The following NEDD4L variants were observed in gnomAD, a reference collection of about 807,000 sequenced individuals.
The protein encoded by NEDD4L is NEDD4 like E3 ubiquitin protein ligase.
A neutral mutation model predicts 148.9 loss-of-function variants in NEDD4L; 54 were observed. The ratio of observed to expected loss-of-function variants is 0.36; its 90% CI spans 0.29 to 0.45. The LOEUF (loss-of-function observed/expected upper bound fraction) is 0.45, where lower values mean the gene tolerates loss of function less well. Ranked by LOEUF, NEDD4L falls within the 20% of genes least tolerant of loss-of-function variation. The probability of loss-of-function intolerance (pLI) is 1.00; values close to 1 mark genes in which losing one functional copy is unlikely to be tolerated. For synonymous variants in NEDD4L, 433 were observed against 440.7 expected (o/e 0.98, Z 0.22); for missense variants, 856 against 1,233.8 (o/e 0.69, Z 4.59).
intron 7 of NEDD4L, 92 bp from the exon 8 acceptor site, chr18:58,323,140 G>C (rs1161146914): frequency 1.4e-6 from 1 of 733,630 alleles, no homozygotes; most frequent in African/African-American, 1.7e-5. Flanking sequence ...CCTGCCCTGC[G>C]TGCTGTGGTG....
intron 1 of NEDD4L, among the ~76,000 whole-genome samples, chr18:58,100,969 CT>C (rs1341273842): frequency 2.6e-5 from 4 of 152,100 alleles, no homozygotes; most frequent in African/African-American, 9.7e-5. Context: ...CCATGTCTGG[CT>C]AATTTTTGTA....
chr18:58,085,974 A>G (rs758153965), intron 1 of NEDD4L, among the ~76,000 whole-genome samples: 6 of 152,222 alleles, frequency 3.9e-5, no homozygotes, highest in Non-Finnish European at 8.8e-5. Context: ...TAGGATTCCT[A>G]CTAATTATTA....
chr18:58,127,301 C>A (rs2031293477), intron 1 of NEDD4L, among the ~76,000 whole-genome samples: 1 of 152,226 alleles, frequency 6.6e-6, no homozygotes, highest in Non-Finnish European at 1.5e-5. Context: ...CAGATGTGGA[C>A]GTCCCCGTCA....
rs760992833 is a variant in NEDD4L at position 58,325,026 on chromosome 18, T to G, written c.544T>G (p.Ser182Ala). The change falls in exon 9 of 31, where the codon TCG becomes GCG. Residue 182 changes from serine to alanine, a missense_variant. Ser to Ala is a moderately conservative substitution (Grantham distance 99). Coordinates refer to ENST00000400345, the MANE Select transcript of NEDD4L (RefSeq NM_001144967.3). ...ATGGGAAGTTGTTGACTCAAATGAC[T>G]CGGCTTCTCAGCACCAAGAGGAACT... ...HGWEVVDSNDSASQHQEELPP... is the reference protein window; with the variant it reads ...HGWEVVDSNDAASQHQEELPP... 6.2e-7 allele frequency: 1 copy of G among 1,613,974 alleles called. No individual in the cohort carries two copies. Among genetic ancestry groups the G allele is most frequent in the East Asian group, 2.2e-5 (1 of 44,892 alleles).
At chr18:58,278,270 G>C (rs1028688782) in intron 5 of NEDD4L, among the ~76,000 whole-genome samples, 1 of 152,168 alleles carries the variant, frequency 6.6e-6, no homozygotes, top group Admixed American at 6.5e-5. Flanking sequence ...TGACCCTTCA[G>C]CATGGCCAGC....
intron 2 of NEDD4L, among the ~76,000 whole-genome samples, chr18:58,225,137 T>C (rs1339595150): frequency 1.3e-5 from 2 of 151,806 alleles, no homozygotes; most frequent in East Asian, 1.9e-4. Context: ...GAAAGGGGTA[T>C]TGGGGGGGAA....
At chr18:58,388,915 T>C (rs2049414148) in intron 27 of NEDD4L, 170 bp from the exon 28 acceptor site, 1 of 639,802 alleles carries the variant, frequency 1.6e-6, no homozygotes, top group Non-Finnish European at 2.9e-6. Context: ...TGTGATCTGC[T>C]ATGGCAGGTG....
intron 2 of NEDD4L, among the ~76,000 whole-genome samples, chr18:58,208,352 A>G (rs548523940): frequency 1.1e-4 from 16 of 152,374 alleles, no homozygotes; most frequent in African/African-American, 3.8e-4. Flanking sequence ...GAGTCAGAGC[A>G]TCTAAAATTT....
At position 58,385,631 on chromosome 18, in the gene NEDD4L, C is replaced by A. The variant is rs200728379; in HGVS notation, c.2487+45C>A. On this transcript the variant is annotated intron_variant, in intron 26 of 30. Transcript: ENST00000400345. ...GTTCTCTGCCATGTGCCTCTGGTCC[C>A]GGGTCGATGGGGGATCGCGCTTCTC... 2.8e-4 allele frequency: 419 copies of A among 1,494,042 alleles called. 5 individuals are homozygous for A. In the East Asian group the frequency reaches 9.3e-3, roughly 33 times the overall value. 92.5% of individuals were successfully genotyped at this position (1,494,042 alleles called of 1,614,324 possible).
At chr18:58,167,439 C>T (rs1296843689) in intron 2 of NEDD4L, among the ~76,000 whole-genome samples, 1 of 152,206 alleles carries the variant, frequency 6.6e-6, no homozygotes, top group Non-Finnish European at 1.5e-5. Flanking sequence ...TGCTCTCTAC[C>T]AAAGCCCACC....
At chr18:58,082,102 A>ATATATATTTTTTTTTTTTTTTTT in intron 1 of NEDD4L, among the ~76,000 whole-genome samples, 3 of 48,832 alleles carry the variant, frequency 6.1e-5, no homozygotes, top group African/African-American at 1.3e-4. Context: ...ATATATATAT[A>ATATATATTTTTTTTTTTTTTTTT]TTTTTTTTTT....
chr18:58,308,727 C>T (rs1194244954), intron 5 of NEDD4L, among the ~76,000 whole-genome samples: 5 of 152,228 alleles, frequency 3.3e-5, no homozygotes, highest in Admixed American at 2.0e-4. Context: ...GGTCTGGCCG[C>T]GCCTCCCTTG....
At chr18:58,214,800 A>ATTTTT (rs60043101) in intron 2 of NEDD4L, among the ~76,000 whole-genome samples, 6 of 123,336 alleles carry the variant, frequency 4.9e-5, no homozygotes, top group Non-Finnish European at 5.1e-5. Context: ...TCTTTCTTTC[A>ATTTTT]TTTTTTTTTT....
intron 1 of NEDD4L, among the ~76,000 whole-genome samples, chr18:58,060,906 CTG>C (rs1401130282): frequency 5.3e-5 from 8 of 152,072 alleles, no homozygotes; most frequent in African/African-American, 7.2e-5. Context: ...TTACAGGTGC[CTG>C]CCACCACACC....
At chr18:58,354,027 C>T (rs927500350) in intron 18 of NEDD4L, among the ~76,000 whole-genome samples, 1 of 152,186 alleles carries the variant, frequency 6.6e-6, no homozygotes, top group African/African-American at 2.4e-5. Flanking sequence ...AATACTCAGC[C>T]ATCATAAAGA....
intron 5 of NEDD4L, 62 bp from the exon 6 acceptor site, chr18:58,315,920 T>C: frequency 7.3e-7 from 1 of 1,376,760 alleles, no homozygotes. Context: ...AAAACATTTT[T>C]AGGAAATGCT....
intron 2 of NEDD4L, among the ~76,000 whole-genome samples, chr18:58,236,657 C>G (rs1419876565): frequency 6.6e-6 from 1 of 152,252 alleles, no homozygotes; most frequent in Non-Finnish European, 1.5e-5. Flanking sequence ...TGCTGGCACC[C>G]AGAAGCTGCT....
intron 2 of NEDD4L, among the ~76,000 whole-genome samples, chr18:58,218,796 T>C (rs1169189702): frequency 2.0e-5 from 3 of 152,216 alleles, no homozygotes; most frequent in Non-Finnish European, 2.9e-5. Flanking sequence ...TATCCCGATA[T>C]GTGCATCCTT....
chr18:58,321,389 A>G (rs1381166042), intron 6 of NEDD4L, among the ~76,000 whole-genome samples: 1 of 152,242 alleles, frequency 6.6e-6, no homozygotes, highest in African/African-American at 2.4e-5. Flanking sequence ...CTACTGCAGT[A>G]CATATAATCT....
Sources: gnomAD v4.1 joint callset for allele counts (sites outside exome capture counted in the v4.1 genomes callset) on GRCh38, gnomAD v4.1.1 for gene constraint, MANE v1.5 for transcripts, NCBI Gene and HGNC (gene_info 2026-07-23, HGNC 2026-07-21) for gene names.